Variants in MB21D2 observed in about 807,000 individuals in gnomAD.
MB21D2 encodes the protein Mab-21 domain containing 2.
In MB21D2, 9 loss-of-function variants were observed where a neutral mutation model predicts 33.3. The observed-to-expected ratio is 0.27, with a 90% CI of 0.16 to 0.47. The LOEUF (loss-of-function observed/expected upper bound fraction) is 0.47. Ranked by LOEUF, MB21D2 falls within the 20% of genes least tolerant of loss-of-function variation. MB21D2 has a pLI of 0.99. For missense variants in MB21D2, 540 were observed against 624.6 expected (o/e 0.86, Z 1.44); for synonymous variants, 241 against 236.3 (o/e 1.02, Z -0.18).
chr3:192,905,585 C>T lies in MB21D2; in HGVS notation c.211+12045G>A, dbSNP rs1011108999. The stretch of plus-strand genomic sequence containing the variant: ...CCGGGAGGCAGAGGTTCAAGTGAGC[C>T]GAGATCAAGACATTGCACTCCAGCC... On this transcript the variant is annotated intron_variant, in intron 1 of 1. Transcript: ENST00000392452. 2.7e-5 allele frequency among the ~76,000 whole-genome samples: 4 copies of T among 146,304 alleles called. No individual in the cohort carries two copies. The South Asian group carries it at 6.4e-4, about 24-fold the overall frequency.
At chr3:192,837,893 A>G (rs1712473700) in intron 1 of MB21D2, among the ~76,000 whole-genome samples, 1 of 152,220 alleles carries the variant, frequency 6.6e-6, no homozygotes, top group Admixed American at 6.5e-5. Flanking sequence ...AGAAACCTGG[A>G]GGTACCGCCC....
intron 1 of MB21D2, among the ~76,000 whole-genome samples, chr3:192,905,635 C>CAAAAAAAAAAAAAAAAAAA (rs142676577): frequency 9.4e-5 from 8 of 84,950 alleles, no homozygotes; most frequent in Admixed American, 3.0e-4. Flanking sequence ...CGCCCTGTCT[C>CAAAAAAAAAAAAAAAAAAA]AAAAAAAAAA....
At position 192,902,013 on chromosome 3, in the gene MB21D2, C is replaced by A. The variant is rs141827159; in HGVS notation, c.211+15617G>T. On this transcript the variant is annotated intron_variant, in intron 1 of 1. Transcript: ENST00000392452. ...TTAAATCAATCAATTAGCTGGGACG[C>A]ACCTTCTTACTTTCAAAAGGAGGCT... 2.1e-3 allele frequency among the ~76,000 whole-genome samples: 320 copies of A among 152,242 alleles called. 1 individual carries two copies. The highest frequency in any genetic ancestry group is 7.3e-3 in the African/African-American group (305 of 41,538).
chr3:192,846,891 T>C (rs749235373), intron 1 of MB21D2, among the ~76,000 whole-genome samples: 3 of 152,212 alleles, frequency 2.0e-5, no homozygotes, highest in Non-Finnish European at 4.4e-5. Context: ...CAATGGCAGC[T>C]GCACGCATGG....
intron 1 of MB21D2, among the ~76,000 whole-genome samples, chr3:192,826,717 C>T (rs535231147): frequency 1.4e-4 from 21 of 152,230 alleles, no homozygotes; most frequent in Admixed American, 3.3e-4. Context: ...AATCTCCCTG[C>T]ATCTCTGGTA....
In MB21D2 at chr3:192,870,699, G is replaced by GAAAAAAAAAAAAAAA. The variant is rs57320648; in HGVS notation, c.211+46916_211+46930dup. On this transcript the variant is annotated intron_variant, in intron 1 of 1. Transcript: ENST00000392452. ...GCACTCCAGCCTGGGCGACTCCGTT[G>GAAAAAAAAAAAAAAA]AAAAAAAAAAAAAAAAAAAAGGAAG... is the stretch of plus-strand genomic sequence containing the variant. 6.0e-4 allele frequency among the ~76,000 whole-genome samples: 25 copies of GAAAAAAAAAAAAAAA among 41,658 alleles called. 1 individual carries two copies. The highest frequency in any genetic ancestry group is 2.3e-3 in the African/African-American group (21 of 9,204). 27.3% of individuals were successfully genotyped at this position (41,658 alleles called of 152,430 possible). A position where few individuals can be genotyped will look rare whatever the true frequency, so the allele number is the denominator to read the frequency against.
intron 1 of MB21D2, among the ~76,000 whole-genome samples, chr3:192,898,737 C>G (rs1234207163): frequency 6.6e-6 from 1 of 152,210 alleles, no homozygotes; most frequent in East Asian, 1.9e-4. Context: ...TAAGCACAAA[C>G]AATTGCAAAT....
chr3:192,905,597 A>G lies in MB21D2; in HGVS notation c.211+12033T>C, dbSNP rs1374423219. ...GGTTCAAGTGAGCCGAGATCAAGAC[A>G]TTGCACTCCAGCCTGAGTGACAGAG... On this transcript the variant is annotated intron_variant, in intron 1 of 1. Coordinates refer to ENST00000392452, the MANE Select transcript of MB21D2 (RefSeq NM_178496.4). Among the ~76,000 whole-genome samples, 4 of 148,952 alleles carry G rather than the reference A, an allele frequency of 2.7e-5. No homozygotes were observed. In the East Asian group the frequency reaches 7.9e-4, roughly 30 times the overall value.
intron 1 of MB21D2, among the ~76,000 whole-genome samples, chr3:192,878,193 G>A (rs963683999): frequency 4.7e-5 from 7 of 147,382 alleles, no homozygotes; most frequent in Non-Finnish European, 8.8e-5. Context: ...TCCGCCTCGC[G>A]GGTTCACGCC....
At chr3:192,840,415 C>CTTTTTTTTTTTTTTTTTTTT (rs71177380) in intron 1 of MB21D2, among the ~76,000 whole-genome samples, 5 of 88,290 alleles carry the variant, frequency 5.7e-5, no homozygotes, top group African/African-American at 8.4e-5. Context: ...TCTCTTTTTT[C>CTTTTTTTTTTTTTTTTTTTT]TTTTTTTTTT....
At chr3:192,873,937 T>C (rs892651789) in intron 1 of MB21D2, among the ~76,000 whole-genome samples, 4 of 152,158 alleles carry the variant, frequency 2.6e-5, no homozygotes, top group Admixed American at 2.0e-4. Flanking sequence ...TGACCTCAGG[T>C]GATCTGCCCG....
chr3:192,863,927 G>T (rs890270281), intron 1 of MB21D2, among the ~76,000 whole-genome samples: 1 of 152,086 alleles, frequency 6.6e-6, no homozygotes, highest in African/African-American at 2.4e-5. Context: ...AATTTCTGTG[G>T]TTTATAACCC....
chr3:192,880,123 T>C (rs1308209552), intron 1 of MB21D2, among the ~76,000 whole-genome samples: 1 of 151,926 alleles, frequency 6.6e-6, no homozygotes, highest in Non-Finnish European at 1.5e-5. Context: ...TGCAGGCAGA[T>C]CACAAGATCA....
intron 1 of MB21D2, among the ~76,000 whole-genome samples, chr3:192,810,356 T>A (rs1287400963): frequency 1.3e-5 from 2 of 152,218 alleles, no homozygotes; most frequent in African/African-American, 4.8e-5. Flanking sequence ...ATTACACATT[T>A]GAATTTGCTA....
At chr3:192,868,398 A>G (rs1350556786) in intron 1 of MB21D2, among the ~76,000 whole-genome samples, 2 of 152,248 alleles carry the variant, frequency 1.3e-5, no homozygotes, top group African/African-American at 4.8e-5. Flanking sequence ...CAAGTAACGG[A>G]AAGAAACAAG....
intron 1 of MB21D2, among the ~76,000 whole-genome samples, chr3:192,888,661 T>C (rs557648287): frequency 4.3e-4 from 65 of 152,264 alleles, no homozygotes; most frequent in Middle Eastern, 3.4e-3. Context: ...CATATGATCA[T>C]ACAGCTCCCA....
At chr3:192,830,050 C>G (rs1033614474) in intron 1 of MB21D2, among the ~76,000 whole-genome samples, 4 of 152,062 alleles carry the variant, frequency 2.6e-5, no homozygotes, top group Non-Finnish European at 5.9e-5. Flanking sequence ...TTTTTATTTT[C>G]TTAGAGACGG....
intron 1 of MB21D2, among the ~76,000 whole-genome samples, chr3:192,847,141 C>T (rs1712694945): frequency 6.6e-6 from 1 of 152,094 alleles, no homozygotes; most frequent in Non-Finnish European, 1.5e-5. Flanking sequence ...TCATTAATCC[C>T]CCAGACACTC....
intron 1 of MB21D2, among the ~76,000 whole-genome samples, chr3:192,842,076 G>A (rs200862165): frequency 6.8e-6 from 1 of 146,528 alleles, no homozygotes; most frequent in African/African-American, 2.8e-5. Flanking sequence ...GTAGCTAGGA[G>A]GGCGCCACTC....
Sources: allele counts gnomAD v4.1 joint callset (sites outside exome capture counted in the v4.1 genomes callset), GRCh38; gene constraint gnomAD v4.1.1; transcripts MANE v1.5; gene names NCBI Gene and HGNC (gene_info 2026-07-23, HGNC 2026-07-21).